Variants in EHD4 observed in about 807,000 individuals in gnomAD.
The protein encoded by EHD4 is EH domain containing 4, also known as EH domain-containing protein 4.
EHD4 carries 37 observed loss-of-function variants against 51.0 expected under a neutral mutation model. The observed-to-expected ratio is 0.73, with a 90% CI of 0.56 to 0.95. The LOEUF (loss-of-function observed/expected upper bound fraction) is 0.95. Among genes scored for constraint, EHD4 ranks in the 40% least tolerant of loss-of-function variants. The pLI, the probability that EHD4 is intolerant of heterozygous loss-of-function variation, is 0.00. For missense variants in EHD4, 632 were observed against 733.1 expected, an observed-to-expected ratio of 0.86 and a Z score of 1.59; for synonymous variants, 297 against 317.3, an observed-to-expected ratio of 0.94 and a Z score of 0.68.
chr15:41,900,600 G>A lies in EHD4; in HGVS notation c.*45C>T, dbSNP rs1298974166. The A allele has an allele frequency of 4.0e-6, 6 of 1,509,950 alleles. No individual in the cohort carries two copies. The African/African-American group carries it at 6.8e-5, about 17-fold the overall frequency. 93.5% of individuals were successfully genotyped at this position (1,509,950 alleles called of 1,614,324 possible). On this transcript the variant is annotated 3_prime_UTR_variant, in exon 6 of 6. Transcript: ENST00000220325. The surrounding 1 kb of genome is among the most constrained non-coding windows in gnomAD (Gnocchi z 4.8). ...GGTGAGTCAGTGGTGGAGCAGGCCT[G>A]AGGCCCAGGTCCCCCAGTTCCCACC...
chr15:41,906,544 A>G (rs1035373156), intron 5 of EHD4, among the ~76,000 whole-genome samples: 2 of 152,214 alleles, frequency 1.3e-5, no homozygotes, highest in Non-Finnish European at 2.9e-5. Flanking sequence ...AAAGGCTGTA[A>G]CACTGGCCCT....
intron 2 of EHD4, among the ~76,000 whole-genome samples, chr15:41,946,314 C>A (rs1271005863): frequency 6.6e-6 from 1 of 152,108 alleles, no homozygotes; most frequent in Admixed American, 6.5e-5. Flanking sequence ...CTAGGCTGCC[C>A]CCTCAACTCC....
chr15:41,932,374 G>A (rs954675161), intron 3 of EHD4, among the ~76,000 whole-genome samples: 1 of 152,200 alleles, frequency 6.6e-6, no homozygotes, highest in Non-Finnish European at 1.5e-5. Flanking sequence ...GGGGATATGG[G>A]TGGTACAGAC....
intron 1 of EHD4, among the ~76,000 whole-genome samples, chr15:41,971,617 AAATAGT>A (rs1275074341): frequency 6.6e-6 from 1 of 152,216 alleles, no homozygotes; most frequent in African/African-American, 2.4e-5. Flanking sequence ...GGAAACTAAC[AAATAGT>A]AATATGACAC....
At position 41,919,196 on chromosome 15, in the gene EHD4, A is replaced by G. The variant is rs1036075854; in HGVS notation, c.924+14T>C. ...CCAGCCCCTGGCCTCTGTGCAAGGC[A>G]TCTCCTGGCTTACCTTGGCCAGCCT... On this transcript the variant is annotated intron_variant, in intron 4 of 5. Coordinates refer to ENST00000220325, the MANE Select transcript of EHD4 (RefSeq NM_139265.4). 8 of 1,613,258 alleles carry G rather than the reference A, an allele frequency of 5.0e-6. No individual in the cohort carries two copies. Among genetic ancestry groups the G allele is most frequent in the Non-Finnish European group, 5.9e-6 (7 of 1,180,022 alleles).
chr15:41,959,185 G>A (rs2141007453), intron 1 of EHD4, among the ~76,000 whole-genome samples: 1 of 152,176 alleles, frequency 6.6e-6, no homozygotes, highest in Non-Finnish European at 1.5e-5. Flanking sequence ...GAGGTCAGGA[G>A]ATCGAGACCA....
chr15:41,968,618 C>T (rs2067976972), intron 1 of EHD4, among the ~76,000 whole-genome samples: 1 of 151,982 alleles, frequency 6.6e-6, no homozygotes, highest in Non-Finnish European at 1.5e-5. Flanking sequence ...GTTCCTTTGC[C>T]CTTGGGTTCT....
chr15:41,962,647 G>A (rs185882536), intron 1 of EHD4, among the ~76,000 whole-genome samples: 2 of 152,014 alleles, frequency 1.3e-5, no homozygotes, highest in East Asian at 3.9e-4. Context: ...AAGAGCGCCC[G>A]GCCAGCCGCC....
intron 1 of EHD4, 64 bp from the exon 2 acceptor site, chr15:41,954,004 G>T (rs2067870288): frequency 3.2e-6 from 5 of 1,556,762 alleles, no homozygotes; most frequent in Non-Finnish European, 4.3e-6. Flanking sequence ...CCAGAAAGCT[G>T]CCTGGGATTA....
At chr15:41,945,282 G>C (rs2067804147) in intron 2 of EHD4, among the ~76,000 whole-genome samples, 1 of 152,194 alleles carries the variant, frequency 6.6e-6, no homozygotes, top group Non-Finnish European at 1.5e-5. Context: ...TAGATTCTCA[G>C]GTGAGGCTAA....
chr15:41,943,060 C>T lies in EHD4; in HGVS notation c.511+7G>A. On this transcript the variant is annotated splice_region_variant and intron_variant, in intron 3 of 5. Transcript: ENST00000220325. ...CTTGGTGGGGAGGGGCAGGGACAGG[C>T]ACTGACCTCGGCTGATGCGCTGCTT... The T allele has an allele frequency of 6.4e-7, 1 of 1,565,022 alleles. No individual in the cohort carries two copies. The highest frequency in any genetic ancestry group is 8.7e-7 in the Non-Finnish European group (1 of 1,154,042).
Position 41,953,694 on chromosome 15 carries a change from T to C in EHD4, c.413+70A>G, listed in dbSNP as rs536144546. ...GTTCTTCTGTTTTTGAACCTTTATA[T>C]GTAACTGGCAGTAATTCAAAGAAAA... On this transcript the variant is annotated intron_variant, in intron 2 of 5. Transcript: ENST00000220325. 6 of 1,480,944 alleles carry C rather than the reference T, an allele frequency of 4.1e-6. No individual in the cohort carries two copies. In the African/African-American group the frequency reaches 7.1e-5, roughly 18 times the overall value. The allele number at this position is 1,480,944 out of a possible 1,614,324, so 91.7% of individuals were successfully genotyped here. A position where few individuals can be genotyped will look rare whatever the true frequency, so the allele number is the denominator to read the frequency against.
chr15:41,909,183 C>T (rs1595530614), intron 5 of EHD4, among the ~76,000 whole-genome samples: 1 of 152,264 alleles, frequency 6.6e-6, no homozygotes, highest in Non-Finnish European at 1.5e-5. Context: ...CCAATGGCTG[C>T]CCAGCACCAG....
At chr15:41,935,921 T>C (rs1403335083) in intron 3 of EHD4, among the ~76,000 whole-genome samples, 1 of 152,134 alleles carries the variant, frequency 6.6e-6, no homozygotes, top group Non-Finnish European at 1.5e-5. Flanking sequence ...TTTACTCACA[T>C]CTCAGCTGGA....
chr15:41,968,573 A>C lies in EHD4; in HGVS notation c.236+3686T>G, dbSNP rs1202407454. Among the ~76,000 whole-genome samples, 5 of 151,018 alleles carry C rather than the reference A, an allele frequency of 3.3e-5. No individual in the cohort carries two copies. The South Asian group carries it at 1.0e-3, about 31-fold the overall frequency. On this transcript the variant is annotated intron_variant, in intron 1 of 5. Coordinates refer to ENST00000220325, the MANE Select transcript of EHD4 (RefSeq NM_139265.4). ...CCAAAGTGTTAGGATTACAGGTGTG[A>C]GCCACTGCACCTGGCCCCTCATCTT...
intron 1 of EHD4, among the ~76,000 whole-genome samples, chr15:41,954,358 G>A (rs1038582496): frequency 5.3e-5 from 8 of 152,124 alleles, no homozygotes; most frequent in Non-Finnish European, 8.8e-5. Context: ...GATGATCTTC[G>A]TCTTATAAGC....
chr15:41,948,282 C>T (rs752100990), intron 2 of EHD4, among the ~76,000 whole-genome samples: 27 of 152,020 alleles, frequency 1.8e-4, no homozygotes, highest in South Asian at 6.2e-4. Flanking sequence ...GTTTAGTGAC[C>T]AGGGAACTAC....
In EHD4 at chr15:41,951,472, A is replaced by AT. The variant is rs796478072; in HGVS notation, c.413+2291dup. On this transcript the variant is annotated intron_variant, in intron 2 of 5. Transcript: ENST00000220325. The stretch of plus-strand genomic sequence containing the variant: ...GCTTGGGATTTGAGAAGAAAAAAAC[A>AT]TTTTTTTTTTTTGTTAGGAAAGTAA... Among the ~76,000 whole-genome samples, 1,461 of 146,108 alleles carry AT rather than the reference A, an allele frequency of 1.0e-2. 30 individuals are homozygous for AT. The highest frequency in any genetic ancestry group is 0.031 in the African/African-American group (1,260 of 40,096).
chr15:41,971,617 A>C (rs957846213), intron 1 of EHD4, among the ~76,000 whole-genome samples: 4 of 152,216 alleles, frequency 2.6e-5, no homozygotes, highest in Non-Finnish European at 5.9e-5. Context: ...GGAAACTAAC[A>C]AATAGTAATA....
Sources: gnomAD v4.1 joint callset for allele counts (sites outside exome capture counted in the v4.1 genomes callset) on GRCh38, gnomAD v4.1.1 for gene constraint, Gnocchi (gnomAD v3.1) non-coding constraint, MANE v1.5 for transcripts, NCBI Gene and HGNC (gene_info 2026-07-23, HGNC 2026-07-21) for gene names.